PTGES3: variants seen among roughly 807,000 people sequenced by gnomAD.
PTGES3 encodes Hsp90 co-chaperone.
In PTGES3, 5 loss-of-function variants were observed where a neutral mutation model predicts 29.9. That is an observed-to-expected ratio of 0.17 (90% CI 0.09 to 0.35). The LOEUF (loss-of-function observed/expected upper bound fraction) is 0.35. PTGES3 is among the 10% of genes least tolerant of loss of function. The probability of loss-of-function intolerance (pLI) is 1.00; values close to 1 mark genes in which losing one functional copy is unlikely to be tolerated. For missense variants in PTGES3, 128 were observed against 190.0 expected (o/e 0.67, Z 1.92); for synonymous variants, 49 against 57.8 (o/e 0.85, Z 0.69).
Position 56,672,785 on chromosome 12 carries a change from A to G in PTGES3, c.141T>C (p.Phe47=). The change falls in exon 3 of 8, where the codon TTT becomes TTC. Residue 47 remains phenylalanine (F), a synonymous_variant. Coordinates refer to ENST00000262033, the MANE Select transcript of PTGES3 (RefSeq NM_006601.7). ...AAAGATCAATTTCATTTAAATGCTT[A>G]AAATTATCACTTCCTCCGAGACAAC... is the stretch of plus-strand genomic sequence containing the variant. ...TFSCLGGSDN[F]KHLNEIDLFH... is the part of the protein sequence containing the mutation. The G allele has an allele frequency of 6.3e-7, 1 of 1,592,320 alleles. No individual in the cohort carries two copies.
At chr12:56,683,957 CAA>C (rs11386164) in intron 1 of PTGES3, among the ~76,000 whole-genome samples, 1 of 109,326 alleles carries the variant, frequency 9.1e-6, no homozygotes, top group Non-Finnish European at 1.7e-5. Flanking sequence ...AACTCCGTCT[CAA>C]AAAAAAAAAA....
chr12:56,666,133 A>T, intron 6 of PTGES3, 71 bp downstream of exon 6: 1 of 1,492,176 alleles, frequency 6.7e-7, no homozygotes, highest in Non-Finnish European at 9.0e-7. Context: ...ATATAAAACC[A>T]TTTGTAAATA....
At chr12:56,684,728 G>A (rs1030628750) in intron 1 of PTGES3, among the ~76,000 whole-genome samples, 6 of 152,154 alleles carry the variant, frequency 3.9e-5, no homozygotes, top group African/African-American at 1.2e-4. Flanking sequence ...CTCTGGCAAG[G>A]TTAGTTAAGC....
Position 56,664,492 on chromosome 12 carries a change from G to A in PTGES3, c.470C>T (p.Pro157Leu). Residue 157 changes from proline to leucine, a missense_variant, in exon 8 of 8, where the codon CCA becomes CTA. Physicochemically the swap from Pro to Leu is moderately conservative, Grantham distance 98 (BLOSUM62 -3). Transcript: ENST00000262033. ...DSQDSDDEKM[P>L]DLE Reference sequence around the variant, plus strand: ...TGACAATATTCCTTACTCCAGATCTGGCATTTCTGAAAGAATTTTTAAAAA... The same window carrying A: ...TGACAATATTCCTTACTCCAGATCTAGCATTTCTGAAAGAATTTTTAAAAA... 1.2e-6 allele frequency: 2 copies of A among 1,601,570 alleles called. No individual in the cohort carries two copies. Among genetic ancestry groups the A allele is most frequent in the Non-Finnish European group, 1.7e-6 (2 of 1,174,088 alleles).
At chr12:56,684,436 G>A (rs966760715) in intron 1 of PTGES3, among the ~76,000 whole-genome samples, 1 of 152,158 alleles carries the variant, frequency 6.6e-6, no homozygotes, top group South Asian at 2.1e-4. Flanking sequence ...TCAAGTTATA[G>A]CAATTAACAA....
chr12:56,669,756 C>T (rs900620468), intron 5 of PTGES3, among the ~76,000 whole-genome samples: 12 of 151,884 alleles, frequency 7.9e-5, no homozygotes, highest in African/African-American at 1.9e-4. Context: ...ACCACAGGTG[C>T]GCGCCACCAT....
intron 6 of PTGES3, chr12:56,665,950 T>C: frequency 8.5e-7 from 1 of 1,183,160 alleles, no homozygotes; most frequent in East Asian, 4.5e-5. Flanking sequence ...GAGTACGGTA[T>C]TAATATATAA....
At chr12:56,686,739 T>C (rs990723145) in intron 1 of PTGES3, 1 of 396,012 alleles carries the variant, frequency 2.5e-6, no homozygotes, top group African/African-American at 2.1e-5. Context: ...CCTTCAAAAA[T>C]TCTAACATGC....
rs915232152 is a variant in PTGES3, at chr12:56,663,953, C to A, written c.*526G>T. 2.0e-5 allele frequency: 3 copies of A among 153,464 alleles called. No individual in the cohort carries two copies. The highest frequency in any genetic ancestry group is 7.2e-5 in the African/African-American group (3 of 41,454). 9.5% of individuals were successfully genotyped at this position (153,464 alleles called of 1,614,324 possible). ...CACCTGGAACACTGACAAGTCATCA[C>A]TTACATAGAATAATGTGAAGTAAAT... On this transcript the variant is annotated 3_prime_UTR_variant, in exon 8 of 8. Coordinates refer to ENST00000262033, the MANE Select transcript of PTGES3 (RefSeq NM_006601.7).
chr12:56,685,933 C>T (rs1273412753), intron 1 of PTGES3, among the ~76,000 whole-genome samples: 2 of 151,590 alleles, frequency 1.3e-5, no homozygotes, highest in African/African-American at 4.8e-5. Context: ...TGCACCACCA[C>T]ACCCAGCTAG....
chr12:56,685,351 T>A (rs1273577308), intron 1 of PTGES3, among the ~76,000 whole-genome samples: 2 of 151,868 alleles, frequency 1.3e-5, no homozygotes, highest in Non-Finnish European at 2.9e-5. Context: ...CCCAACACTC[T>A]TCAAGTGGCA....
chr12:56,664,651 T>C (rs1347897799), intron 7 of PTGES3, 125 bp downstream of exon 7: 1 of 1,381,984 alleles, frequency 7.2e-7, no homozygotes, highest in African/African-American at 1.5e-5. Context: ...ATTTCTGCTT[T>C]GGTTATTTAT....
chr12:56,666,774 G>A (rs991787595), intron 5 of PTGES3, among the ~76,000 whole-genome samples: 3 of 151,450 alleles, frequency 2.0e-5, no homozygotes, highest in Non-Finnish European at 1.5e-5. Context: ...TTACAGGCGC[G>A]TACCACCACA....
At chr12:56,665,500 G>C in intron 6 of PTGES3, 1 of 971,096 alleles carries the variant, frequency 1.0e-6, no homozygotes, top group Non-Finnish European at 1.2e-6. Flanking sequence ...TCGCCATCTT[G>C]GCCAGGCTGG....
chr12:56,675,577 G>A (rs553844182), intron 1 of PTGES3, among the ~76,000 whole-genome samples: 3 of 148,892 alleles, frequency 2.0e-5, no homozygotes, highest in Non-Finnish European at 4.4e-5. Flanking sequence ...GGCCTGCAAA[G>A]CTGAATATTT....
At chr12:56,675,498 T>C (rs186624504) in intron 1 of PTGES3, among the ~76,000 whole-genome samples, 5 of 137,412 alleles carry the variant, frequency 3.6e-5, no homozygotes, top group African/African-American at 1.4e-4. Context: ...TACTGCACTC[T>C]AGCCTAGGCA....
intron 6 of PTGES3, 38 bp from the exon 7 acceptor site, chr12:56,664,838 T>C: frequency 2.5e-6 from 4 of 1,590,702 alleles, no homozygotes; most frequent in Middle Eastern, 1.7e-4. Flanking sequence ...GCTGATCAAA[T>C]ATTCGTTTGC....
At chr12:56,670,175 C>T (rs185198539) in intron 5 of PTGES3, 100 bp downstream of exon 5, 6 of 718,442 alleles carry the variant, frequency 8.4e-6, no homozygotes, top group African/African-American at 3.6e-5. Flanking sequence ...AAATAACATG[C>T]ATCATGAATA....
At chr12:56,683,140 G>C (rs553301693) in intron 1 of PTGES3, among the ~76,000 whole-genome samples, 110 of 152,006 alleles carry the variant, frequency 7.2e-4, no homozygotes, top group Non-Finnish European at 1.4e-3. Flanking sequence ...ATGAGGTCAG[G>C]AGTTCAAGAC....
Sources: gnomAD v4.1 joint callset for allele counts (sites outside exome capture counted in the v4.1 genomes callset) on GRCh38, gnomAD v4.1.1 for gene constraint, MANE v1.5 for transcripts, NCBI Gene and HGNC (gene_info 2026-07-23, HGNC 2026-07-21) for gene names.